Variants in DHRS12 observed in about 807,000 individuals in gnomAD.
DHRS12 encodes the protein dehydrogenase/reductase 12.
Under a neutral mutation model 32.1 loss-of-function variants are expected in DHRS12, and 29 were observed. The observed-to-expected ratio is 0.90, with a 90% CI of 0.67 to 1.23. The LOEUF is 1.23. DHRS12 is among the 50% of genes most tolerant of loss of function. The probability of loss-of-function intolerance (pLI) is 0.00; values close to 1 mark genes in which losing one functional copy is unlikely to be tolerated. For missense variants in DHRS12, 330 were observed against 337.2 expected, an observed-to-expected ratio of 0.98 and a Z score of 0.17; for synonymous variants, 150 against 135.9, an observed-to-expected ratio of 1.10 and a Z score of -0.72.
intron 4 of DHRS12, chr13:51,789,620 A>T: frequency 1.0e-6 from 1 of 985,398 alleles, no homozygotes; most frequent in Non-Finnish European, 1.2e-6. Context: ...GCTCTAGCCA[A>T]TGCGCTTCTT....
chr13:51,795,173 C>T (rs962516099), intron 2 of DHRS12, among the ~76,000 whole-genome samples: 2 of 152,186 alleles, frequency 1.3e-5, no homozygotes, highest in African/African-American at 4.8e-5. Flanking sequence ...GCACACCTCA[C>T]CCAGACCCTC....
intron 1 of DHRS12, among the ~76,000 whole-genome samples, chr13:51,801,700 A>G (rs979562081): frequency 1.3e-5 from 2 of 152,146 alleles, no homozygotes; most frequent in African/African-American, 4.8e-5. Context: ...TGAGTCAATG[A>G]ATAGGGGCTT....
At chr13:51,795,010 T>C (rs1955451661) in intron 2 of DHRS12, among the ~76,000 whole-genome samples, 1 of 152,064 alleles carries the variant, frequency 6.6e-6, no homozygotes, top group Non-Finnish European at 1.5e-5. Flanking sequence ...AAGCCACACA[T>C]AACCTCTCTG....
Position 51,799,675 on chromosome 13 carries a change from G to A in DHRS12, c.-8-8C>T. The A allele has an allele frequency of 4.3e-6, 7 of 1,613,552 alleles. No individual in the cohort carries two copies. Among genetic ancestry groups the A allele is most frequent in the Non-Finnish European group, 5.9e-6 (7 of 1,179,904 alleles). On this transcript the variant is annotated splice_region_variant and splice_polypyrimidine_tract_variant and intron_variant, in intron 1 of 8. Coordinates refer to ENST00000444610, the MANE Select transcript of DHRS12 (RefSeq NM_001377533.1). ...GCAGATTCATAGCCACTCCTAGAAA[G>A]AGGAGACCCACAGGAAGACCAGCTG...
chr13:51,771,318 C>T, intron 7 of DHRS12: 1 of 1,582,874 alleles, frequency 6.3e-7, no homozygotes, highest in Non-Finnish European at 8.6e-7. Context: ...TTGGTGAGGC[C>T]AATCCGGAAG....
chr13:51,803,067 G>A (rs1312372415), intron 1 of DHRS12, among the ~76,000 whole-genome samples: 1 of 152,188 alleles, frequency 6.6e-6, no homozygotes. Flanking sequence ...AAAACTGTGG[G>A]ACAGGGCTCA....
the DHRS12 span, chr13:51,762,123 C>T: frequency 6.6e-6 from 1 of 152,216 alleles, no homozygotes; most frequent in Non-Finnish European, 1.5e-5. Flanking sequence ...AGTAATAGAG[C>T]TGAATCACTC....
intron 4 of DHRS12, among the ~76,000 whole-genome samples, chr13:51,779,127 A>G (rs1040434501): frequency 1.3e-5 from 2 of 152,082 alleles, no homozygotes; most frequent in Non-Finnish European, 2.9e-5. Flanking sequence ...CCATTCTGCA[A>G]GTCATTCTTT....
chr13:51,787,851 ATT>A (rs1363953372), intron 4 of DHRS12, among the ~76,000 whole-genome samples: 6 of 123,718 alleles, frequency 4.8e-5, no homozygotes, highest in African/African-American at 1.9e-4. Context: ...ATAATATATA[ATT>A]ATATATAATA....
At chr13:51,772,698 T>C (rs1813627815) in intron 6 of DHRS12, 14 of 985,496 alleles carry the variant, frequency 1.4e-5, no homozygotes, top group Non-Finnish European at 1.6e-5. Context: ...CTTTCCCAGC[T>C]GCAGTCACAC....
Position 51,769,167 on chromosome 13 carries a change from C to T in DHRS12, c.686G>A (p.Arg229His). Residue 229 changes from arginine to histidine, a missense_variant, in exon 8 of 9, where the codon CGC becomes CAC. Coordinates refer to ENST00000444610, the MANE Select transcript of DHRS12 (RefSeq NM_001377533.1). ...AGGGAGGAAGTCACCTTGAAAGAAG[C>T]GGCCGCTGGGCTGTGCGGCTGCGGC... ...SSAAAAQPSG[R>H]FFQDRKPVST... 2 of 1,550,212 alleles carry T rather than the reference C, an allele frequency of 1.3e-6. No individual in the cohort carries two copies. Among genetic ancestry groups the T allele is most frequent in the Non-Finnish European group, 1.7e-6 (2 of 1,147,620 alleles).
chr13:51,774,450 AG>A (rs1954248160), intron 5 of DHRS12: 1 of 89,638 alleles, frequency 1.1e-5, no homozygotes, highest in Non-Finnish European at 2.0e-5. Flanking sequence ...ATTCTCCTAC[AG>A]TACATGTATT....
At chr13:51,792,374 T>C (rs1234975643) in intron 2 of DHRS12, among the ~76,000 whole-genome samples, 2 of 152,204 alleles carry the variant, frequency 1.3e-5, no homozygotes, top group Non-Finnish European at 2.9e-5. Flanking sequence ...TTTTTTCATA[T>C]ATGTGTTGGC....
intron 1 of DHRS12, 46 bp downstream of exon 1, chr13:51,804,008 G>GGCCACGTGACAGCCCGGGGCCC: frequency 7.0e-7 from 1 of 1,436,570 alleles, no homozygotes; most frequent in Non-Finnish European, 9.1e-7. Context: ...CGCCGAGGCG[G>GGCCACGTGACAGCCCGGGGCCC]GCCACGTGAC....
chr13:51,787,751 TTTTA>T (rs60389993), intron 4 of DHRS12, among the ~76,000 whole-genome samples: 37,698 of 130,678 alleles, frequency 0.29, 5,820 homozygotes, highest in East Asian at 0.49. Context: ...TATTATATAT[TTTTA>T]TATATAATTA....
At chr13:51,783,355 G>C (rs1010942848) in intron 4 of DHRS12, among the ~76,000 whole-genome samples, 4 of 152,100 alleles carry the variant, frequency 2.6e-5, no homozygotes, top group South Asian at 4.2e-4. Flanking sequence ...TACTGAGGAC[G>C]AGCACCAAGA....
chr13:51,792,429 G>A (rs1427665585), intron 2 of DHRS12, among the ~76,000 whole-genome samples: 2 of 151,774 alleles, frequency 1.3e-5, no homozygotes, highest in East Asian at 3.9e-4. Context: ...GAGTGCCACT[G>A]CACTCTGTCG....
downstream of DHRS12, chr13:51,766,528 C>T (rs1332650536): frequency 2.0e-5 from 3 of 152,228 alleles, no homozygotes; most frequent in African/African-American, 7.2e-5. Context: ...AGCTGGACCC[C>T]TCCGGCATTT....
At chr13:51,771,946 G>C (rs1228352541) in intron 6 of DHRS12, 35 bp from the exon 7 acceptor site, 1 of 1,607,204 alleles carries the variant, frequency 6.2e-7, no homozygotes. Context: ...GAACAGGAGA[G>C]AGGAGGCGCC....
Sources: gnomAD v4.1 joint callset for allele counts (sites outside exome capture counted in the v4.1 genomes callset) on GRCh38, gnomAD v4.1.1 for gene constraint, MANE v1.5 for transcripts, NCBI Gene and HGNC (gene_info 2026-07-23, HGNC 2026-07-21) for gene names.